Variants in GAD2 observed in about 807,000 individuals in gnomAD.
GAD2 encodes the protein glutamate decarboxylase 2, also known as 65 kDa glutamic acid decarboxylase.
In GAD2, 22 loss-of-function variants were observed where a neutral mutation model predicts 80.1. The observed-to-expected ratio is 0.27, with a 90% CI of 0.20 to 0.39. The LOEUF (loss-of-function observed/expected upper bound fraction) is 0.39. GAD2 is among the 10% of genes least tolerant of loss of function. The pLI, the probability that GAD2 is intolerant of heterozygous loss-of-function variation, is 1.00. For missense variants in GAD2, 624 were observed against 738.4 expected (o/e 0.85, Z 1.80); for synonymous variants, 274 against 256.9 (o/e 1.07, Z -0.64).
chr10:26,264,500 C>T lies in GAD2; in HGVS notation c.921-4619C>T, dbSNP rs142801196. Among the ~76,000 whole-genome samples the T allele has an allele frequency of 8.1e-3, 1,199 of 147,422 alleles. 22 individuals are homozygous for T. Among genetic ancestry groups the T allele is most frequent in the African/African-American group, 0.028 (1,133 of 41,058 alleles). ...ATTTTTTGTATTTTTTTAGTAGAGA[C>T]GGGGTTTCACTGTGTTAGCCAGGAT... On this transcript the variant is annotated intron_variant, in intron 8 of 15. Coordinates refer to ENST00000376261, the MANE Select transcript of GAD2 (RefSeq NM_001134366.2).
Position 26,217,505 on chromosome 10 carries a change from T to C in GAD2, c.77-105T>C. The C allele has an allele frequency of 7.9e-7, 1 of 1,268,244 alleles. No homozygotes were observed. Among genetic ancestry groups the C allele is most frequent in the Non-Finnish European group, 1.1e-6 (1 of 890,218 alleles). The allele number at this position is 1,268,244 out of a possible 1,614,324, so 78.6% of individuals were successfully genotyped here. A position where few individuals can be genotyped will look rare whatever the true frequency, so the allele number is the denominator to read the frequency against. On this transcript the variant is annotated intron_variant, in intron 1 of 15. Transcript: ENST00000376261. The surrounding 1 kb of genome is among the most constrained non-coding windows in gnomAD (Gnocchi z 4.9). ...CGGCCCCCAGGAGGAAGGCGGCCCCTCCTAGGACCCCGGACTGATTGATTT... is the reference window on the plus strand; with the variant it reads ...CGGCCCCCAGGAGGAAGGCGGCCCCCCCTAGGACCCCGGACTGATTGATTT...
chr10:26,233,921 G>A (rs1844637215), intron 7 of GAD2, among the ~76,000 whole-genome samples: 1 of 152,134 alleles, frequency 6.6e-6, no homozygotes, highest in Admixed American at 6.5e-5. Flanking sequence ...CATTTTGAGA[G>A]GTTTCCAAGG....
In GAD2 at chr10:26,224,593, G is replaced by A; in HGVS notation, c.666G>A (p.Lys222=). ...VFVLLEYVTL[K]KMREIIGWPG... is the part of the protein sequence containing the mutation. ...TGCTTTTGGAATATGTCACACTAAA[G>A]AAAATGAGAGAAATCATTGGCTGGC... The change falls in exon 6 of 16, where the codon AAG becomes AAA. Residue 222 remains lysine, a synonymous_variant. Transcript: ENST00000376261. 6.2e-7 allele frequency: 1 copy of A among 1,614,020 alleles called. No homozygotes were observed. Among genetic ancestry groups the A allele is most frequent in the Non-Finnish European group, 8.5e-7 (1 of 1,179,908 alleles).
chr10:26,225,782 G>C (rs1844513867), intron 6 of GAD2, among the ~76,000 whole-genome samples: 1 of 152,190 alleles, frequency 6.6e-6, no homozygotes, highest in African/African-American at 2.4e-5. Flanking sequence ...TGAAGGAAAA[G>C]GTGTTAGTTA....
chr10:26,292,819 T>C (rs1834231450), intron 14 of GAD2, 83 bp from the exon 15 acceptor site: 1 of 1,157,800 alleles, frequency 8.6e-7, no homozygotes, highest in South Asian at 1.3e-5. Flanking sequence ...CTGAACCTGC[T>C]GAATACATCG....
intron 6 of GAD2, among the ~76,000 whole-genome samples, chr10:26,228,519 T>A (rs911165912): frequency 9.9e-5 from 15 of 152,180 alleles, no homozygotes; most frequent in Non-Finnish European, 2.2e-4. Context: ...GTTTATCCTT[T>A]ATAACAGGGG....
At chr10:26,241,206 C>T (rs1269287566) in intron 7 of GAD2, among the ~76,000 whole-genome samples, 1 of 152,186 alleles carries the variant, frequency 6.6e-6, no homozygotes, top group Non-Finnish European at 1.5e-5. Context: ...CAAGGCTCTA[C>T]TGTAATTTTT....
intron 11 of GAD2, among the ~76,000 whole-genome samples, 184 bp from the exon 12 acceptor site, chr10:26,280,825 T>C (rs1474564804): frequency 1.3e-5 from 2 of 152,030 alleles, no homozygotes; most frequent in African/African-American, 4.8e-5. Context: ...ACGCACTATA[T>C]ACGTGTAATA....
At chr10:26,284,073 G>T (rs1845301901) in intron 12 of GAD2, among the ~76,000 whole-genome samples, 1 of 152,198 alleles carries the variant, frequency 6.6e-6, no homozygotes, top group Non-Finnish European at 1.5e-5. Flanking sequence ...GTGTAGAAAT[G>T]ATTCCTTTAT....
At chr10:26,230,715 G>A (rs1038689629) in intron 7 of GAD2, among the ~76,000 whole-genome samples, 11 of 151,976 alleles carry the variant, frequency 7.2e-5, no homozygotes, top group African/African-American at 2.2e-4. Flanking sequence ...GATTACAGGC[G>A]TGAGCCACCA....
chr10:26,281,428 A>C (rs1006359696), intron 12 of GAD2, among the ~76,000 whole-genome samples: 58 of 152,086 alleles, frequency 3.8e-4, no homozygotes, highest in African/African-American at 1.4e-3. Context: ...TTTTTCTGGA[A>C]TCTGAGAGGA....
intron 7 of GAD2, 95 bp downstream of exon 7, chr10:26,229,872 T>C (rs1273560713): frequency 4.8e-5 from 42 of 883,928 alleles, no homozygotes; most frequent in Non-Finnish European, 5.3e-6. Context: ...CCAGAGGCCC[T>C]CTTTCTGGAA....
chr10:26,284,978 T>C (rs960056578), intron 12 of GAD2, among the ~76,000 whole-genome samples: 2 of 152,192 alleles, frequency 1.3e-5, no homozygotes, highest in African/African-American at 2.4e-5. Context: ...TTCCTTAGTA[T>C]TGATGGCACG....
chr10:26,270,830 G>C, intron 10 of GAD2, 74 bp downstream of exon 10: 1 of 1,005,304 alleles, frequency 9.9e-7, no homozygotes, highest in Non-Finnish European at 1.6e-6. Flanking sequence ...AAGGAAATTT[G>C]TTTTCTCTTT....
chr10:26,216,919 G>C lies in GAD2; in HGVS notation c.76+34G>C, dbSNP rs1165464684. 6.3e-7 allele frequency: 1 copy of C among 1,579,488 alleles called. No individual in the cohort carries two copies. Among genetic ancestry groups the C allele is most frequent in the African/African-American group, 1.4e-5 (1 of 73,542 alleles). On this transcript the variant is annotated intron_variant, in intron 1 of 15. Coordinates refer to ENST00000376261, the MANE Select transcript of GAD2 (RefSeq NM_001134366.2). The surrounding 1 kb of genome is among the most constrained non-coding windows in gnomAD (Gnocchi z 4.7). ...GAGAACGGGGGCCTGCGGCGGGCGA[G>C]TTTTGCGGTGGTCTGGGGTTTGCGG...
rs769966474 is a variant in GAD2 at position 26,270,738 on chromosome 10, G to A, written c.1074G>A (p.Lys358=). 1.9e-6 allele frequency: 3 copies of A among 1,611,072 alleles called. No individual in the cohort carries two copies. The highest frequency in any genetic ancestry group is 1.1e-5 in the South Asian group (1 of 91,014). ...LAVADICKKY[K]IWMHVDAAWG... The stretch of plus-strand genomic sequence containing the variant: ...TCGCTGACATTTGCAAAAAGTATAA[G>A]ATCTGGATGCATGTGGATGTAAGTA... The change falls in exon 10 of 16, where the codon AAG becomes AAA. Residue 358 remains lysine (K), a synonymous_variant. Transcript: ENST00000376261.
Position 26,250,877 on chromosome 10 carries a change from C to CTT in GAD2, c.920+4896_920+4897dup, listed in dbSNP as rs1181428173. ...ACAGAAATTTGTTGGGTTTTTTTTC[C>CTT]TTTTTTTTTTTTTTTTTTTTGAGAC... On this transcript the variant is annotated intron_variant, in intron 8 of 15. Coordinates refer to ENST00000376261, the MANE Select transcript of GAD2 (RefSeq NM_001134366.2). Among the ~76,000 whole-genome samples, 919 of 112,960 alleles carry CTT rather than the reference C, an allele frequency of 8.1e-3. 35 individuals are homozygous for CTT. Among genetic ancestry groups the CTT allele is most frequent in the East Asian group, 0.019 (71 of 3,762 alleles). The allele number at this position is 112,960 out of a possible 152,430, so 74.1% of individuals were successfully genotyped here.
chr10:26,235,805 G>A (rs563364498), intron 7 of GAD2, among the ~76,000 whole-genome samples: 7 of 152,166 alleles, frequency 4.6e-5, no homozygotes, highest in Non-Finnish European at 8.8e-5. Context: ...CACATCTCAA[G>A]CTCTGAATCC....
intron 7 of GAD2, among the ~76,000 whole-genome samples, chr10:26,234,449 G>A (rs537730330): frequency 1.3e-5 from 2 of 152,094 alleles, no homozygotes; most frequent in African/African-American, 4.8e-5. Context: ...AGCAAGATTC[G>A]AAGCCTCAGT....
Sources: gnomAD v4.1 joint callset for allele counts (sites outside exome capture counted in the v4.1 genomes callset) on GRCh38, gnomAD v4.1.1 for gene constraint, Gnocchi (gnomAD v3.1) non-coding constraint, MANE v1.5 for transcripts, NCBI Gene and HGNC (gene_info 2026-07-23, HGNC 2026-07-21) for gene names.